The following MBNL3 variants were observed in gnomAD, a reference collection of about 807,000 sequenced individuals.
MBNL3 encodes muscleblind-like protein 3.
Under a neutral mutation model 24.5 loss-of-function variants are expected in MBNL3, and 6 were observed. The observed-to-expected ratio is 0.25, with a 90% CI of 0.13 to 0.48. MBNL3 has a LOEUF of 0.48. Among genes scored for constraint, MBNL3 ranks in the 20% least tolerant of loss-of-function variants. MBNL3 has a pLI of 0.99. For missense variants in MBNL3, 230 were observed against 293.5 expected (o/e 0.78, Z 1.58); for synonymous variants, 100 against 101.7 (o/e 0.98, Z 0.10).
In MBNL3 at chrX:132,369,615, A is replaced by T. The variant is rs1933439053; in HGVS notation, c.*10051T>A. The T allele has an allele frequency of 8.9e-6, 1 of 112,038 alleles. No individual in the cohort carries two copies. Among genetic ancestry groups the T allele is most frequent in the South Asian group, 3.7e-4 (1 of 2,682 alleles). The allele number at this position is 112,038 out of a possible 1,213,427, so 9.2% of individuals were successfully genotyped here. ...CAAGCATGCTGACTGCAGGCTCCTC[A>T]GATTCTTTCTCCATTCCCTCAAGTC... On this transcript the variant is annotated 3_prime_UTR_variant, in exon 9 of 9. Transcript: ENST00000370853.
At chrX:132,396,958 T>G (rs867322446) in intron 3 of MBNL3, among the ~76,000 whole-genome samples, 8 of 78,048 alleles carry the variant, frequency 1.0e-4, no homozygotes, top group Non-Finnish European at 1.9e-4. Flanking sequence ...TCATATATAT[T>G]CATATATATA....
Position 132,439,703 on chromosome X carries a change from G to C in MBNL3, c.-92C>G. 1 of 1,056,792 alleles carries C rather than the reference G, an allele frequency of 9.5e-7. No homozygotes were observed. The highest frequency in any genetic ancestry group is 1.2e-6 in the Non-Finnish European group (1 of 816,598). 87.1% of individuals were successfully genotyped at this position (1,056,792 alleles called of 1,213,427 possible). On this transcript the variant is annotated 5_prime_UTR_variant, in exon 2 of 9. Coordinates refer to ENST00000370853, the MANE Select transcript of MBNL3 (RefSeq NM_001386889.1). Reference sequence around the variant, plus strand: ...TTAAAAATGAATTCAAACTAAGTGCGAAGAGATAACAGGTTGCTTTGGTGA... The same window carrying C: ...TTAAAAATGAATTCAAACTAAGTGCCAAGAGATAACAGGTTGCTTTGGTGA...
rs549557251 is a variant in MBNL3 at position 132,382,907 on chromosome X, C to G, written c.959-635G>C. On this transcript the variant is annotated intron_variant, in intron 7 of 8. Transcript: ENST00000370853. ...TTTTAAGTACACCTCTGGCAAACTC[C>G]TGGGAAACTTTGGCCATTTATCAAA... Among the ~76,000 whole-genome samples the G allele has an allele frequency of 5.9e-4, 66 of 112,171 alleles. 1 individual carries two copies. In the South Asian group the frequency reaches 0.024, roughly 41 times the overall value.
At chrX:132,414,910 A>C (rs1262679928) in intron 2 of MBNL3, among the ~76,000 whole-genome samples, 1 of 111,206 alleles carries the variant, frequency 9.0e-6, no homozygotes, top group Non-Finnish European at 1.9e-5. Context: ...TGATCTCCCA[A>C]AAGCTAACAA....
chrX:132,427,882 G>A (rs1378165621), intron 2 of MBNL3, among the ~76,000 whole-genome samples: 2 of 111,500 alleles, frequency 1.8e-5, no homozygotes, highest in Non-Finnish European at 3.8e-5. Flanking sequence ...GAATTAAAGG[G>A]AATTTGTCAT....
At chrX:132,469,030 T>A (rs1346809350) in intron 1 of MBNL3, among the ~76,000 whole-genome samples, 1 of 112,418 alleles carries the variant, frequency 8.9e-6, no homozygotes. Flanking sequence ...TTTGGTAGAT[T>A]AGAAAAATGC....
At chrX:132,400,450 T>A (rs774941730) in intron 3 of MBNL3, among the ~76,000 whole-genome samples, 10 of 111,917 alleles carry the variant, frequency 8.9e-5, no homozygotes, top group Non-Finnish European at 1.9e-4. Flanking sequence ...CCCGAATAAC[T>A]ACTCTACTTT....
intron 1 of MBNL3, among the ~76,000 whole-genome samples, chrX:132,456,705 A>G (rs929370764): frequency 6.3e-5 from 7 of 111,774 alleles, no homozygotes; most frequent in Admixed American, 9.5e-5. Context: ...CTCAGAAATC[A>G]TAAGAGTCAT....
chrX:132,420,206 C>T (rs940918284), intron 2 of MBNL3, among the ~76,000 whole-genome samples: 13 of 112,046 alleles, frequency 1.2e-4, no homozygotes, highest in Non-Finnish European at 2.3e-4. Flanking sequence ...TCGATTAGGA[C>T]GAATCCGGGC....
chrX:132,415,253 T>C (rs1943190818), intron 2 of MBNL3, among the ~76,000 whole-genome samples: 1 of 112,207 alleles, frequency 8.9e-6, no homozygotes, highest in South Asian at 3.7e-4. Flanking sequence ...GGTTTTAGTT[T>C]TGCACTAACC....
chrX:132,429,051 T>C lies in MBNL3; in HGVS notation c.177+10384A>G, dbSNP rs756398422. On this transcript the variant is annotated intron_variant, in intron 2 of 8. Coordinates refer to ENST00000370853, the MANE Select transcript of MBNL3 (RefSeq NM_001386889.1). ...CAGTATTAATGGTAACATCAAACAG[T>C]AGTTGGGGAATACATGCCTGGCCCT... Among the ~76,000 whole-genome samples the C allele has an allele frequency of 4.5e-5, 5 of 112,152 alleles. No individual in the cohort carries two copies. In the South Asian group the frequency reaches 1.5e-3, roughly 33 times the overall value.
At chrX:132,403,312 CATA>C (rs1288829237) in intron 3 of MBNL3, among the ~76,000 whole-genome samples, 1 of 111,521 alleles carries the variant, frequency 9.0e-6, no homozygotes, top group Non-Finnish European at 1.9e-5. Context: ...TTTTTGTACA[CATA>C]ATAACTGCAG....
intron 5 of MBNL3, among the ~76,000 whole-genome samples, chrX:132,387,097 A>C (rs1336782383): frequency 9.3e-6 from 1 of 107,750 alleles, no homozygotes; most frequent in Non-Finnish European, 1.9e-5. Context: ...ATATGGCAAA[A>C]CCCCATCTCT....
At position 132,375,059 on chromosome X, in the gene MBNL3, C is replaced by G. The variant is rs1191082071; in HGVS notation, c.*4607G>C. On this transcript the variant is annotated 3_prime_UTR_variant, in exon 9 of 9. Coordinates refer to ENST00000370853, the MANE Select transcript of MBNL3 (RefSeq NM_001386889.1). Reference sequence around the variant, plus strand: ...ATAAACTTTTTCACAAAAAGTCACACAAGGACACAAATTCAGCTTTTATAT... The same window carrying G: ...ATAAACTTTTTCACAAAAAGTCACAGAAGGACACAAATTCAGCTTTTATAT... 1 of 111,440 alleles carries G rather than the reference C, an allele frequency of 9.0e-6. No individual in the cohort carries two copies. Among genetic ancestry groups the G allele is most frequent in the East Asian group, 2.8e-4 (1 of 3,572 alleles). 9.2% of individuals were successfully genotyped at this position (111,440 alleles called of 1,213,427 possible). A position where few individuals can be genotyped will look rare whatever the true frequency, so the allele number is the denominator to read the frequency against.
rs952916436 is a variant in MBNL3 at position 132,374,449 on chromosome X, C to T, written c.*5217G>A. 1 of 111,698 alleles carries T rather than the reference C, an allele frequency of 9.0e-6. No homozygotes were observed. Among genetic ancestry groups the T allele is most frequent in the African/African-American group, 3.3e-5 (1 of 30,768 alleles). The allele number at this position is 111,698 out of a possible 1,213,427, so 9.2% of individuals were successfully genotyped here. On this transcript the variant is annotated 3_prime_UTR_variant, in exon 9 of 9. Transcript: ENST00000370853. The stretch of plus-strand genomic sequence containing the variant: ...TGACCTGTTACCTGTTACTAGCCTT[C>T]TCTTTTGGTGACCTGTAGCAAACTA...
At chrX:132,439,180 G>A (rs1416916832) in intron 2 of MBNL3, among the ~76,000 whole-genome samples, 1 of 111,286 alleles carries the variant, frequency 9.0e-6, no homozygotes, top group Non-Finnish European at 1.9e-5. Flanking sequence ...TATCTGTTTT[G>A]ATAAGTGGTA....
chrX:132,407,197 TTAAAATATTCC>T (rs1941967563), intron 2 of MBNL3, among the ~76,000 whole-genome samples: 1 of 112,458 alleles, frequency 8.9e-6, no homozygotes, highest in Non-Finnish European at 1.9e-5. Context: ...TATGTTGTTA[TTAAAATATTCC>T]TATAATTTCA....
intron 1 of MBNL3, among the ~76,000 whole-genome samples, chrX:132,473,308 T>A (rs191153711): frequency 6.2e-4 from 69 of 111,791 alleles, no homozygotes; most frequent in African/African-American, 2.2e-3. Context: ...AAATCTATTT[T>A]CCCCAGTATA....
At chrX:132,437,336 A>C (rs902581797) in intron 2 of MBNL3, among the ~76,000 whole-genome samples, 3 of 112,002 alleles carry the variant, frequency 2.7e-5, no homozygotes, top group African/African-American at 9.7e-5. Flanking sequence ...GGTCATGTAC[A>C]TTTGGAACAT....
Sources: allele counts gnomAD v4.1 joint callset (sites outside exome capture counted in the v4.1 genomes callset), GRCh38; gene constraint gnomAD v4.1.1; transcripts MANE v1.5; gene names NCBI Gene and HGNC (gene_info 2026-07-23, HGNC 2026-07-21).